BBS4: variants seen among roughly 807,000 people sequenced by gnomAD.
BBS4 encodes BBSome complex member BBS4.
Under a neutral mutation model 71.4 loss-of-function variants are expected in BBS4, and 58 were observed. The ratio of observed to expected loss-of-function variants is 0.81; its 90% CI spans 0.66 to 1.01. The LOEUF is 1.01. Ranked by LOEUF, BBS4 falls within the 50% of genes least tolerant of loss-of-function variation. The pLI is 0.00. For missense variants in BBS4, 660 were observed against 607.9 expected, an observed-to-expected ratio of 1.09 and a Z score of -0.90; for synonymous variants, 228 against 216.8, an observed-to-expected ratio of 1.05 and a Z score of -0.46.
chr15:72,703,022 G>GGGAT, intron 2 of BBS4, among the ~76,000 whole-genome samples: 1 of 150,024 alleles, frequency 6.7e-6, no homozygotes, highest in East Asian at 2.0e-4. Context: ...TTTTTTAGCC[G>GGGAT]GGATGGTCTC....
chr15:72,719,575 C>A (rs2065528833), intron 6 of BBS4, among the ~76,000 whole-genome samples: 1 of 151,578 alleles, frequency 6.6e-6, no homozygotes, highest in Admixed American at 6.6e-5. Flanking sequence ...AGAAGAGAAC[C>A]CATAGAGGGA....
At chr15:72,716,469 A>G (rs1414527510) in intron 5 of BBS4, among the ~76,000 whole-genome samples, 1 of 152,224 alleles carries the variant, frequency 6.6e-6, no homozygotes, top group Non-Finnish European at 1.5e-5. Flanking sequence ...AACATGGTAT[A>G]TCATTAGGCT....
intron 10 of BBS4, 84 bp from the exon 11 acceptor site, chr15:72,731,221 G>A (rs2065813504): frequency 6.4e-7 from 1 of 1,564,982 alleles, no homozygotes; most frequent in East Asian, 2.2e-5. Context: ...TGATGGGCCT[G>A]CTGAGTATAG....
intron 8 of BBS4, among the ~76,000 whole-genome samples, chr15:72,727,542 T>C (rs1029658225): frequency 6.6e-6 from 1 of 152,186 alleles, no homozygotes; most frequent in African/African-American, 2.4e-5. Context: ...CCTGGCATTG[T>C]GAGCACAATG....
intron 1 of BBS4, chr15:72,686,705 T>C: frequency 1.6e-6 from 1 of 634,180 alleles, no homozygotes; most frequent in Non-Finnish European, 2.4e-6. Context: ...TTTAGGAAAG[T>C]ACGGTTTTGG....
rs1418011899 is a variant in BBS4 at position 72,738,343 on chromosome 15, C to G, written c.*756C>G. On this transcript the variant is annotated 3_prime_UTR_variant, in exon 16 of 16. Transcript: ENST00000268057. Reference sequence around the variant, plus strand: ...TGTTATTGAAGATAGTCAGTGATAACCACTGACCAGATGCTATCAATACAC... The same window carrying G: ...TGTTATTGAAGATAGTCAGTGATAAGCACTGACCAGATGCTATCAATACAC... 1 of 453,628 alleles carries G rather than the reference C, an allele frequency of 2.2e-6. No homozygotes were observed. The highest frequency in any genetic ancestry group is 4.4e-6 in the Non-Finnish European group (1 of 226,658). 28.1% of individuals were successfully genotyped at this position (453,628 alleles called of 1,614,324 possible).
intron 6 of BBS4, 88 bp downstream of exon 6, chr15:72,716,938 C>G: frequency 1.0e-6 from 1 of 957,622 alleles, no homozygotes; most frequent in Non-Finnish European, 1.6e-6. Flanking sequence ...TGAATTCTTA[C>G]ATTCCAAAAA....
intron 6 of BBS4, among the ~76,000 whole-genome samples, chr15:72,719,311 G>A (rs1163669806): frequency 6.7e-6 from 1 of 149,356 alleles, no homozygotes; most frequent in African/African-American, 2.5e-5. Context: ...CTGGAGTATA[G>A]TGGGGTGATC....
At chr15:72,700,354 T>C (rs2065148833) in intron 2 of BBS4, among the ~76,000 whole-genome samples, 1 of 152,246 alleles carries the variant, frequency 6.6e-6, no homozygotes, top group Non-Finnish European at 1.5e-5. Context: ...TTTAACTTTA[T>C]AATAAACTGC....
intron 2 of BBS4, among the ~76,000 whole-genome samples, chr15:72,700,421 G>A (rs1309195943): frequency 1.3e-5 from 2 of 152,178 alleles, no homozygotes; most frequent in African/African-American, 2.4e-5. Flanking sequence ...AACGTGTGAG[G>A]ATTCTGTTTG....
chr15:72,700,311 G>T (rs2065147687), intron 2 of BBS4, among the ~76,000 whole-genome samples: 1 of 152,198 alleles, frequency 6.6e-6, no homozygotes, highest in Non-Finnish European at 1.5e-5. Context: ...TGCCTAGGGA[G>T]TGGAATTGCT....
intron 2 of BBS4, 131 bp downstream of exon 2, chr15:72,695,359 C>T: frequency 1.7e-6 from 1 of 583,428 alleles, no homozygotes; most frequent in Non-Finnish European, 3.0e-6. Context: ...ACAATCTTGG[C>T]TCACTGCAAC....
chr15:72,736,043 A>G, intron 14 of BBS4, 77 bp downstream of exon 14: 1 of 1,539,822 alleles, frequency 6.5e-7, no homozygotes, highest in Non-Finnish European at 8.9e-7. Flanking sequence ...AGATCATCCA[A>G]ATCCAAGGTA....
In BBS4 at chr15:72,737,470, G is replaced by A; in HGVS notation, c.1451-8G>A. 1 of 1,605,568 alleles carries A rather than the reference G, an allele frequency of 6.2e-7. No homozygotes were observed. The highest frequency in any genetic ancestry group is 1.3e-5 in the African/African-American group (1 of 74,910). On this transcript the variant is annotated splice_polypyrimidine_tract_variant and splice_region_variant and intron_variant, in intron 15 of 15. Transcript: ENST00000268057. ...ACATGAGGATTCAAGTTTTTATTTTGTTACTAGGTGCTGGAGGAACATCCC... is the reference window on the plus strand; with the variant it reads ...ACATGAGGATTCAAGTTTTTATTTTATTACTAGGTGCTGGAGGAACATCCC...
chr15:72,728,987 C>T (rs1195856086), intron 9 of BBS4, among the ~76,000 whole-genome samples: 1 of 152,062 alleles, frequency 6.6e-6, no homozygotes, highest in East Asian at 1.9e-4. Flanking sequence ...GATGAGGATA[C>T]CCAGCTCATT....
At chr15:72,723,915 C>G (rs530943120) in intron 7 of BBS4, among the ~76,000 whole-genome samples, 141 of 152,282 alleles carry the variant, frequency 9.3e-4, no homozygotes, top group Non-Finnish European at 1.7e-3. Context: ...TACTGTACAG[C>G]TAACAGGCTA....
rs149263274 is a variant in BBS4, at chr15:72,737,744, C to G, written c.*157C>G. On this transcript the variant is annotated 3_prime_UTR_variant, in exon 16 of 16. Transcript: ENST00000268057. ...GCAGTTGAGCCTAAGGTCCTTCTAC[C>G]TACCTGGTATTGGCATTTGAGGTCG... 613 of 683,844 alleles carry G rather than the reference C, an allele frequency of 9.0e-4. 3 individuals are homozygous for G. Among genetic ancestry groups the G allele is most frequent in the Non-Finnish European group, 1.3e-3 (510 of 381,088 alleles). 42.4% of individuals were successfully genotyped at this position (683,844 alleles called of 1,614,324 possible).
chr15:72,686,344 C>T (rs912097848), intron 1 of BBS4, 93 bp downstream of exon 1: 3 of 1,543,822 alleles, frequency 1.9e-6, no homozygotes, highest in African/African-American at 1.4e-5. Context: ...TGGAGAGAGG[C>T]GGAGCTGGGT....
At chr15:72,698,092 T>C (rs562369973) in intron 2 of BBS4, 3 of 454,700 alleles carry the variant, frequency 6.6e-6, no homozygotes, top group South Asian at 1.6e-5. Flanking sequence ...GGAGTCTTCA[T>C]TGAAAACTTT....
Sources: gnomAD v4.1 joint callset for allele counts (sites outside exome capture counted in the v4.1 genomes callset) on GRCh38, gnomAD v4.1.1 for gene constraint, MANE v1.5 for transcripts, NCBI Gene and HGNC (gene_info 2026-07-23, HGNC 2026-07-21) for gene names.